CD28: variants seen among roughly 807,000 people sequenced by gnomAD.
CD28 encodes the protein CD28 molecule.
CD28 carries 8 observed loss-of-function variants against 21.4 expected under a neutral mutation model. The observed-to-expected ratio is 0.37, with a 90% CI of 0.22 to 0.68. The LOEUF (loss-of-function observed/expected upper bound fraction) is 0.68. Ranked by LOEUF, CD28 falls within the 30% of genes least tolerant of loss-of-function variation. The probability of loss-of-function intolerance (pLI) is 0.55; values close to 1 mark genes in which losing one functional copy is unlikely to be tolerated. For missense variants in CD28, 239 were observed against 272.2 expected, an observed-to-expected ratio of 0.88 and a Z score of 0.86; for synonymous variants, 106 against 104.0, an observed-to-expected ratio of 1.02 and a Z score of -0.12.
intron 1 of CD28, among the ~76,000 whole-genome samples, chr2:203,719,507 T>C (rs1221451544): frequency 6.6e-6 from 1 of 152,206 alleles, no homozygotes; most frequent in East Asian, 1.9e-4. Flanking sequence ...AACCAATCAC[T>C]GCAATTGTGT....
chr2:203,723,081 A>G (rs1165320978), intron 1 of CD28, among the ~76,000 whole-genome samples: 1 of 152,230 alleles, frequency 6.6e-6, no homozygotes, highest in Non-Finnish European at 1.5e-5. Context: ...AGATTTTTCC[A>G]GGTGATTCTA....
chr2:203,725,594 G>C (rs1040936906), intron 1 of CD28, among the ~76,000 whole-genome samples: 1 of 152,070 alleles, frequency 6.6e-6, no homozygotes, highest in Non-Finnish European at 1.5e-5. Flanking sequence ...CTAGTTTCAG[G>C]TTCTTTGCTT....
intron 1 of CD28, among the ~76,000 whole-genome samples, chr2:203,722,490 G>A (rs1379530405): frequency 1.3e-5 from 2 of 152,174 alleles, no homozygotes; most frequent in African/African-American, 2.4e-5. Flanking sequence ...TAATGAGATG[G>A]TAGTCAAACC....
Position 203,735,540 on chromosome 2 carries a change from G to A in CD28, c.*628G>A, listed in dbSNP as rs568342924. The stretch of plus-strand genomic sequence containing the variant: ...ATATTTAGTCATTTTGACCAAATGA[G>A]GGATTTGGTCAAATGAGGGATTCCC... On this transcript the variant is annotated 3_prime_UTR_variant, in exon 4 of 4. Coordinates refer to ENST00000324106, the MANE Select transcript of CD28 (RefSeq NM_006139.4). 6.5e-6 allele frequency: 1 copy of A among 152,760 alleles called. No individual in the cohort carries two copies. Among genetic ancestry groups the A allele is most frequent in the South Asian group, 2.1e-4 (1 of 4,830 alleles). The allele number at this position is 152,760 out of a possible 1,614,324, so 9.5% of individuals were successfully genotyped here.
At chr2:203,734,081 T>C (rs986873979) in intron 3 of CD28, among the ~76,000 whole-genome samples, 3 of 152,230 alleles carry the variant, frequency 2.0e-5, no homozygotes, top group Non-Finnish European at 4.4e-5. Flanking sequence ...TTCTGGGTCA[T>C]TTGTTAAGAA....
intron 1 of CD28, among the ~76,000 whole-genome samples, chr2:203,724,547 T>C (rs1581510769): frequency 6.6e-6 from 1 of 152,284 alleles, no homozygotes; most frequent in East Asian, 1.9e-4. Flanking sequence ...CCAGCAATGA[T>C]TTTTTAAAAA....
At chr2:203,711,137 C>A (rs551760084) in intron 1 of CD28, among the ~76,000 whole-genome samples, 1 of 152,172 alleles carries the variant, frequency 6.6e-6, no homozygotes, top group Non-Finnish European at 1.5e-5. Context: ...CCAAAAAAAC[C>A]AAGACAATTC....
intron 1 of CD28, among the ~76,000 whole-genome samples, chr2:203,721,351 A>G (rs933395071): frequency 2.6e-5 from 4 of 152,172 alleles, no homozygotes; most frequent in Non-Finnish European, 4.4e-5. Flanking sequence ...AAGAGAGCCC[A>G]AGCTCTCTAA....
upstream of CD28, chr2:203,706,582 TG>T (rs1693161829): frequency 1.3e-6 from 2 of 1,592,164 alleles, no homozygotes; most frequent in Non-Finnish European, 1.7e-6. Context: ...GCGGTGGTGG[TG>T]GCCGTGGATG....
At chr2:203,728,790 A>G (rs888161501) in intron 2 of CD28, among the ~76,000 whole-genome samples, 1 of 152,208 alleles carries the variant, frequency 6.6e-6, no homozygotes, top group Non-Finnish European at 1.5e-5. Context: ...TTTTATATAT[A>G]TGTATACACA....
chr2:203,731,172 T>G (rs1693879263), intron 3 of CD28, among the ~76,000 whole-genome samples: 1 of 152,238 alleles, frequency 6.6e-6, no homozygotes, highest in Admixed American at 6.5e-5. Flanking sequence ...TTGCCTGGCT[T>G]GCCTTCTGCA....
At chr2:203,707,321 C>A (rs1693184626) in intron 1 of CD28, among the ~76,000 whole-genome samples, 1 of 152,030 alleles carries the variant, frequency 6.6e-6, no homozygotes. Context: ...CTCTCCAAAC[C>A]TCAGTTTCCT....
chr2:203,735,029 C>G lies in CD28; in HGVS notation c.*117C>G, dbSNP rs757690722. The stretch of plus-strand genomic sequence containing the variant: ...GCCACCTCAGGCCCCTGTTGGGCCA[C>G]CAATGCCAATTTTTCTCGAGTGACT... On this transcript the variant is annotated 3_prime_UTR_variant, in exon 4 of 4. Coordinates refer to ENST00000324106, the MANE Select transcript of CD28 (RefSeq NM_006139.4). 2.9e-5 allele frequency: 36 copies of G among 1,240,138 alleles called. No homozygotes were observed. The highest frequency in any genetic ancestry group is 3.9e-5 in the Non-Finnish European group (35 of 891,520). The allele number at this position is 1,240,138 out of a possible 1,614,324, so 76.8% of individuals were successfully genotyped here.
intron 3 of CD28, among the ~76,000 whole-genome samples, chr2:203,733,880 T>C (rs1397732032): frequency 6.6e-6 from 1 of 152,198 alleles, no homozygotes; most frequent in East Asian, 1.9e-4. Context: ...AGGTGTGAAG[T>C]GCTCAGGCAG....
intron 1 of CD28, among the ~76,000 whole-genome samples, chr2:203,716,659 A>G (rs1272430706): frequency 6.6e-6 from 1 of 152,286 alleles, no homozygotes; most frequent in African/African-American, 2.4e-5. Context: ...ACTTTTTGCT[A>G]CTGAACTATC....
At chr2:203,716,990 C>A (rs1173754233) in intron 1 of CD28, among the ~76,000 whole-genome samples, 2 of 152,008 alleles carry the variant, frequency 1.3e-5, no homozygotes, top group Non-Finnish European at 1.5e-5. Context: ...GCCACCACAG[C>A]CAGGTACCCC....
intron 1 of CD28, among the ~76,000 whole-genome samples, chr2:203,717,451 T>G (rs1439827682): frequency 6.6e-6 from 1 of 152,190 alleles, no homozygotes; most frequent in Non-Finnish European, 1.5e-5. Flanking sequence ...CTAAGGGTGG[T>G]CATAATTCTG....
intron 1 of CD28, 148 bp from the exon 2 acceptor site, chr2:203,726,485 A>T (rs1435727817): frequency 4.9e-6 from 3 of 618,288 alleles, no homozygotes; most frequent in Non-Finnish European, 8.6e-6. Flanking sequence ...TCTCAGTATA[A>T]TTATCCCCTG....
At chr2:203,732,604 A>C (rs1688952904) in intron 3 of CD28, among the ~76,000 whole-genome samples, 1 of 152,162 alleles carries the variant, frequency 6.6e-6, no homozygotes, top group Non-Finnish European at 1.5e-5. Context: ...ACAAGTGGGT[A>C]AGGCTGGCAT....
Sources: gnomAD v4.1 joint callset for allele counts (sites outside exome capture counted in the v4.1 genomes callset) on GRCh38, gnomAD v4.1.1 for gene constraint, MANE v1.5 for transcripts, NCBI Gene and HGNC (gene_info 2026-07-23, HGNC 2026-07-21) for gene names.